The following DNAI1 variants were observed in gnomAD, a reference collection of about 807,000 sequenced individuals.
DNAI1 encodes dynein, axonemal, intermediate polypeptide 1.
In DNAI1, 67 loss-of-function variants were observed where a neutral mutation model predicts 92.0. The ratio of observed to expected loss-of-function variants is 0.73; its 90% CI spans 0.60 to 0.89. The LOEUF (loss-of-function observed/expected upper bound fraction) is 0.89. DNAI1 is among the 40% of genes least tolerant of loss of function. The probability of loss-of-function intolerance (pLI) is 0.00; values close to 1 mark genes in which losing one functional copy is unlikely to be tolerated. For synonymous variants in DNAI1, 323 were observed against 319.6 expected, an observed-to-expected ratio of 1.01 and a Z score of -0.11; for missense variants, 839 against 866.6, an observed-to-expected ratio of 0.97 and a Z score of 0.40.
chr9:34,518,564 ATC>A (rs1207520336), intron 19 of DNAI1, among the ~76,000 whole-genome samples: 3 of 152,210 alleles, frequency 2.0e-5, no homozygotes, highest in Non-Finnish European at 4.4e-5. Flanking sequence ...CGTGGTCTGA[ATC>A]TCTTTGCTGA....
intron 9 of DNAI1, among the ~76,000 whole-genome samples, chr9:34,493,842 TG>T (rs925442453): frequency 6.6e-6 from 1 of 152,186 alleles, no homozygotes; most frequent in Non-Finnish European, 1.5e-5. Context: ...TTGGCCACCC[TG>T]GGCTAGATTT....
intron 4 of DNAI1, among the ~76,000 whole-genome samples, chr9:34,487,011 C>G (rs1824485974): frequency 1.3e-5 from 2 of 152,098 alleles, no homozygotes; most frequent in Admixed American, 1.3e-4. Context: ...TCTATTTATC[C>G]ATTCATCAGT....
chr9:34,514,383 T>G lies in DNAI1; in HGVS notation c.1570-11T>G, dbSNP rs1825130473. ...TCTCTCACTTCTGACCCCCGTTCCC[T>G]CCCCGACCAGTGCTCTAAATCCTAC... On this transcript the variant is annotated splice_polypyrimidine_tract_variant and intron_variant, in intron 16 of 19. Transcript: ENST00000242317. 6.2e-7 allele frequency: 1 copy of G among 1,613,308 alleles called. No homozygotes were observed. The highest frequency in any genetic ancestry group is 1.7e-5 in the Admixed American group (1 of 60,004).
chr9:34,516,740 TTTTC>T (rs1181642273), intron 18 of DNAI1, among the ~76,000 whole-genome samples: 17 of 125,096 alleles, frequency 1.4e-4, no homozygotes, highest in African/African-American at 3.0e-4. Context: ...TTTTCTTTTC[TTTTC>T]TTTTTTTTTT....
Position 34,514,385 on chromosome 9 carries a change from C to A in DNAI1, c.1570-9C>A. The A allele has an allele frequency of 6.2e-7, 1 of 1,613,672 alleles. No homozygotes were observed. Among genetic ancestry groups the A allele is most frequent in the Middle Eastern group, 1.6e-4 (1 of 6,062 alleles). On this transcript the variant is annotated splice_polypyrimidine_tract_variant and intron_variant, in intron 16 of 19. Coordinates refer to ENST00000242317, the MANE Select transcript of DNAI1 (RefSeq NM_012144.4). The stretch of plus-strand genomic sequence containing the variant: ...TCTCACTTCTGACCCCCGTTCCCTC[C>A]CCGACCAGTGCTCTAAATCCTACTC...
At chr9:34,477,220 C>CACCAT in intron 1 of DNAI1, among the ~76,000 whole-genome samples, 1 of 152,000 alleles carries the variant, frequency 6.6e-6, no homozygotes, top group South Asian at 2.1e-4. Flanking sequence ...GGTGTGGCTT[C>CACCAT]GTTGCCCAGG....
chr9:34,488,650 A>G (rs1824521489), intron 4 of DNAI1: 1 of 155,450 alleles, frequency 6.4e-6, no homozygotes, highest in Non-Finnish European at 1.4e-5. Context: ...ACCAGACTAC[A>G]AGCTCTGTGA....
chr9:34,490,028 CAAGG>C lies in DNAI1; in HGVS notation c.406_409del (p.Lys136Ter). 1 of 1,614,088 alleles carries C rather than the reference CAAGG, an allele frequency of 6.2e-7. No individual in the cohort carries two copies. Among genetic ancestry groups the C allele is most frequent in the South Asian group, 1.1e-5 (1 of 91,048 alleles). On this transcript the variant is annotated frameshift_variant, in exon 6 of 20. Coordinates refer to ENST00000242317, the MANE Select transcript of DNAI1 (RefSeq NM_012144.4). LOFTEE classifies it high-confidence loss of function. ...CCTACCAAGGTTCTCAGGAGTCTGT[CAAGG>C]TGATTTCAGAAACAGGAAACCTCGA...
At chr9:34,478,050 C>G (rs548936406) in intron 1 of DNAI1, among the ~76,000 whole-genome samples, 1 of 150,068 alleles carries the variant, frequency 6.7e-6, no homozygotes, top group African/African-American at 2.5e-5. Flanking sequence ...CCATACCCGG[C>G]TAATTTTTGT....
intron 1 of DNAI1, among the ~76,000 whole-genome samples, chr9:34,463,977 G>A (rs1488731439): frequency 6.6e-6 from 1 of 152,166 alleles, no homozygotes; most frequent in Non-Finnish European, 1.5e-5. Flanking sequence ...TATGTCCAAA[G>A]TAAGATAGCT....
intron 8 of DNAI1, among the ~76,000 whole-genome samples, chr9:34,492,493 G>GATAGATATATATATATATATATATATAT (rs1554688186): frequency 7.3e-5 from 5 of 68,256 alleles, no homozygotes; most frequent in South Asian, 4.5e-4. Flanking sequence ...GGGATATGAA[G>GATAGATATATATATATATATATATATAT]ATATATATAT....
Position 34,514,731 on chromosome 9 carries a change from G to T in DNAI1, c.1810G>T (p.Asp604Tyr), listed in dbSNP as rs1448470352. 1 of 1,614,054 alleles carries T rather than the reference G, an allele frequency of 6.2e-7. No homozygotes were observed. Among genetic ancestry groups the T allele is most frequent in the South Asian group, 1.1e-5 (1 of 91,082 alleles). The change falls in exon 18 of 20, where the codon GAT becomes TAT. Residue 604 changes from aspartate (D) to tyrosine (Y), a missense_variant. Transcript: ENST00000242317. The stretch of plus-strand genomic sequence containing the variant: ...TACTGTGTTCGCAGCAGTCACCACA[G>T]ATGGGAAGGTGAGTGCCAGCGTCCT... The part of the protein sequence containing the change: ...SSTVFAAVTT[D>Y]GKAHIFDLAI...
chr9:34,495,301 TC>T (rs1824699213), intron 9 of DNAI1, among the ~76,000 whole-genome samples: 1 of 152,084 alleles, frequency 6.6e-6, no homozygotes, highest in Non-Finnish European at 1.5e-5. Flanking sequence ...AACCTGCATC[TC>T]CCAGGGCCAG....
chr9:34,481,746 C>T (rs913933525), intron 1 of DNAI1, among the ~76,000 whole-genome samples: 6 of 152,036 alleles, frequency 3.9e-5, no homozygotes, highest in Admixed American at 6.6e-5. Flanking sequence ...GTTCGTTCCT[C>T]CTGGTGGGCT....
intron 19 of DNAI1, among the ~76,000 whole-genome samples, chr9:34,520,270 C>T (rs979745946): frequency 7.2e-5 from 11 of 152,288 alleles, no homozygotes; most frequent in African/African-American, 2.4e-4. Context: ...TGATAGGTCT[C>T]GGCCAGGGAC....
rs1460814418 is a variant in DNAI1 at position 34,489,499 on chromosome 9, A to G, written c.388+50A>G. The G allele has an allele frequency of 3.7e-6, 6 of 1,607,544 alleles. No individual in the cohort carries two copies. In the Admixed American group the frequency reaches 5.0e-5, roughly 13 times the overall value. The stretch of plus-strand genomic sequence containing the variant: ...CTACAGCCCTGAGCCTGTTCCCCTT[A>G]TTCTGGTCACTCTAGGGAGTATACC... On this transcript the variant is annotated intron_variant, in intron 5 of 19. Coordinates refer to ENST00000242317, the MANE Select transcript of DNAI1 (RefSeq NM_012144.4).
intron 11 of DNAI1, 66 bp downstream of exon 11, chr9:34,500,905 C>T: frequency 1.6e-6 from 2 of 1,276,122 alleles, no homozygotes; most frequent in Non-Finnish European, 2.3e-6. Flanking sequence ...ACCCCCAGTA[C>T]CCCCTTCTGC....
At chr9:34,490,593 A>G (rs2132062416) in intron 7 of DNAI1, 105 bp downstream of exon 7, 3 of 1,462,566 alleles carry the variant, frequency 2.1e-6, no homozygotes, top group Middle Eastern at 2.4e-4. Flanking sequence ...GGCAGGGGTG[A>G]CAGGACAACA....
chr9:34,503,422 A>G (rs987595316), intron 12 of DNAI1, among the ~76,000 whole-genome samples: 7 of 152,160 alleles, frequency 4.6e-5, no homozygotes, highest in African/African-American at 1.7e-4. Flanking sequence ...GCTCCCAGAT[A>G]CCACCCTCCC....
Sources: gnomAD v4.1 joint callset for allele counts (sites outside exome capture counted in the v4.1 genomes callset) on GRCh38, gnomAD v4.1.1 for gene constraint, MANE v1.5 for transcripts, NCBI Gene and HGNC (gene_info 2026-07-23, HGNC 2026-07-21) for gene names.